The following MYO5B variants were observed in gnomAD, a reference collection of about 807,000 sequenced individuals.
The protein encoded by MYO5B is myosin VB.
MYO5B carries 143 observed loss-of-function variants against 229.3 expected under a neutral mutation model. The observed-to-expected ratio is 0.62, with a 90% CI of 0.54 to 0.72. The LOEUF is 0.72. Among genes scored for constraint, MYO5B ranks in the 30% least tolerant of loss-of-function variants. The pLI is 0.00. For synonymous variants in MYO5B, 918 were observed against 885.2 expected (o/e 1.04, Z -0.66); for missense variants, 2,321 against 2,331.0 (o/e 1.00, Z 0.09).
intron 17 of MYO5B, among the ~76,000 whole-genome samples, chr18:49,919,827 C>T (rs2025055732): frequency 6.6e-6 from 1 of 152,122 alleles, no homozygotes. Context: ...GGTATACCCT[C>T]AAGAGAAAAA....
chr18:49,975,823 G>T (rs976575685), intron 9 of MYO5B, among the ~76,000 whole-genome samples: 1 of 152,140 alleles, frequency 6.6e-6, no homozygotes, highest in Non-Finnish European at 1.5e-5. Context: ...GGTCCTGCCC[G>T]ATGTATCTCC....
At chr18:50,072,075 A>G (rs2144449698) in intron 1 of MYO5B, among the ~76,000 whole-genome samples, 1 of 152,324 alleles carries the variant, frequency 6.6e-6, no homozygotes, top group African/African-American at 2.4e-5. Flanking sequence ...GGCCCTGTTA[A>G]TTCTCTAGGC....
chr18:49,834,739 C>G (rs1024786005), intron 39 of MYO5B, among the ~76,000 whole-genome samples: 2 of 152,036 alleles, frequency 1.3e-5, no homozygotes, highest in Non-Finnish European at 2.9e-5. Context: ...CCCAGGTTCA[C>G]GCCATTCTCC....
intron 1 of MYO5B, among the ~76,000 whole-genome samples, chr18:50,142,246 C>T (rs544619395): frequency 6.6e-6 from 1 of 152,318 alleles, no homozygotes; most frequent in African/African-American, 2.4e-5. Flanking sequence ...GAGCAACCCT[C>T]CCAGAACAGT....
At chr18:49,837,887 G>A in intron 36 of MYO5B, 85 bp from the exon 37 acceptor site, 2 of 1,529,168 alleles carry the variant, frequency 1.3e-6, no homozygotes, top group Non-Finnish European at 1.8e-6. Context: ...AGTGCTCCGG[G>A]CTTTAGCAAT....
At chr18:49,827,856 G>A (rs2023865436) in intron 39 of MYO5B, among the ~76,000 whole-genome samples, 1 of 151,798 alleles carries the variant, frequency 6.6e-6, no homozygotes, top group Non-Finnish European at 1.5e-5. Context: ...AAGGCAAAGA[G>A]ATTCACAGTG....
intron 16 of MYO5B, among the ~76,000 whole-genome samples, chr18:49,929,986 A>G (rs767196880): frequency 5.3e-5 from 8 of 152,148 alleles, no homozygotes; most frequent in Non-Finnish European, 1.2e-4. Flanking sequence ...TCCCAAGCAT[A>G]TATGCTTAGC....
chr18:49,875,908 C>G (rs934726495), intron 25 of MYO5B, 81 bp from the exon 26 acceptor site: 62 of 1,532,176 alleles, frequency 4.0e-5, no homozygotes, highest in Non-Finnish European at 5.4e-5. Context: ...CTGCCTCCCT[C>G]TATATCAGCC....
chr18:49,882,864 A>T (rs1368706423), intron 22 of MYO5B, among the ~76,000 whole-genome samples: 2 of 152,198 alleles, frequency 1.3e-5, no homozygotes, highest in Non-Finnish European at 2.9e-5. Flanking sequence ...AAAAATTAGA[A>T]GGAACACTTC....
intron 11 of MYO5B, 78 bp from the exon 12 acceptor site, chr18:49,962,484 T>G: frequency 2.5e-6 from 4 of 1,589,942 alleles, no homozygotes; most frequent in Non-Finnish European, 3.4e-6. Flanking sequence ...CTCAGTGAGT[T>G]CTGGGTTCTG....
intron 14 of MYO5B, among the ~76,000 whole-genome samples, chr18:49,946,090 A>T (rs988594283): frequency 6.8e-6 from 1 of 147,866 alleles, no homozygotes; most frequent in Admixed American, 6.9e-5. Context: ...TTAAATTTAC[A>T]GAAATCATTC....
chr18:49,914,553 G>A (rs189023677), intron 17 of MYO5B, among the ~76,000 whole-genome samples: 21 of 152,200 alleles, frequency 1.4e-4, no homozygotes, highest in African/African-American at 4.6e-4. Flanking sequence ...ACTGAGGCGG[G>A]TGGATCACTT....
chr18:50,000,840 A>G (rs1247807812), intron 5 of MYO5B, among the ~76,000 whole-genome samples: 1 of 152,196 alleles, frequency 6.6e-6, no homozygotes, highest in African/African-American at 2.4e-5. Context: ...GGGTTAAAAA[A>G]TATTCTATCT....
At chr18:49,843,114 A>C (rs2024079940) in intron 34 of MYO5B, 127 bp downstream of exon 34, 10 of 1,243,714 alleles carry the variant, frequency 8.0e-6, no homozygotes, top group Non-Finnish European at 1.2e-5. Context: ...TCTGTGGCTC[A>C]TTTACCTTCA....
At chr18:49,857,487 T>C (rs1447341152) in intron 29 of MYO5B, among the ~76,000 whole-genome samples, 1 of 152,176 alleles carries the variant, frequency 6.6e-6, no homozygotes, top group African/African-American at 2.4e-5. Context: ...AATGCAGATC[T>C]TTCTGGGACT....
chr18:49,999,223 TA>T (rs2026020745), intron 5 of MYO5B, among the ~76,000 whole-genome samples: 1 of 152,234 alleles, frequency 6.6e-6, no homozygotes, highest in Admixed American at 6.5e-5. Context: ...TCTTACTGCC[TA>T]AAAGATGGAC....
chr18:49,896,683 A>G (rs1598865488), intron 21 of MYO5B, among the ~76,000 whole-genome samples: 1 of 152,178 alleles, frequency 6.6e-6, no homozygotes, highest in Non-Finnish European at 1.5e-5. Context: ...CAGGAGGCAC[A>G]TCCTATCCTG....
intron 17 of MYO5B, among the ~76,000 whole-genome samples, chr18:49,921,559 C>G (rs771365983): frequency 7.2e-5 from 11 of 152,186 alleles, no homozygotes; most frequent in Non-Finnish European, 1.3e-4. Flanking sequence ...TTAAATCAGA[C>G]TCACAGAGAG....
chr18:50,080,987 T>C (rs1482366432), intron 1 of MYO5B, among the ~76,000 whole-genome samples: 1 of 152,158 alleles, frequency 6.6e-6, no homozygotes, highest in African/African-American at 2.4e-5. Context: ...AAAATATGAC[T>C]AGGAGGTGGA....
Sources: allele counts gnomAD v4.1 joint callset (sites outside exome capture counted in the v4.1 genomes callset), GRCh38; gene constraint gnomAD v4.1.1; transcripts MANE v1.5; gene names NCBI Gene and HGNC (gene_info 2026-07-23, HGNC 2026-07-21).